The following MASP1 variants were observed in gnomAD, a reference collection of about 807,000 sequenced individuals.
MASP1 encodes the protein MBL associated serine protease 1.
MASP1 carries 59 observed loss-of-function variants against 77.1 expected under a neutral mutation model. That is an observed-to-expected ratio of 0.77 (90% CI 0.62 to 0.95). The LOEUF (loss-of-function observed/expected upper bound fraction) is 0.95. Among genes scored for constraint, MASP1 ranks in the 40% least tolerant of loss-of-function variants. The pLI is 0.00. For missense variants in MASP1, 885 were observed against 912.9 expected, an observed-to-expected ratio of 0.97 and a Z score of 0.39; for synonymous variants, 362 against 354.5, an observed-to-expected ratio of 1.02 and a Z score of -0.24.
rs147980192 is a variant in MASP1, at chr3:187,226,521, C to T, written c.1442-1G>A. On this transcript the variant is annotated splice_acceptor_variant, in intron 11 of 15. Coordinates refer to the MASP1 transcript ENST00000337774. LOFTEE classifies it high-confidence loss of function. ...GCGGCGGTCACGATCCAGCTGGAGC[C>T]TGGGGAACAGAACACACGTCTCATC... 49 of 1,602,886 alleles carry T rather than the reference C, an allele frequency of 3.1e-5. No homozygotes were observed. Among genetic ancestry groups the T allele is most frequent in the Non-Finnish European group, 4.1e-5 (48 of 1,173,580 alleles).
intron 10 of MASP1, among the ~76,000 whole-genome samples, chr3:187,241,166 T>C (rs1276838188): frequency 6.6e-6 from 1 of 152,098 alleles, no homozygotes; most frequent in African/African-American, 2.4e-5. Flanking sequence ...GAGGACAGGG[T>C]GCCCACTTTT....
intron 10 of MASP1, among the ~76,000 whole-genome samples, chr3:187,239,671 A>T (rs1713468936): frequency 6.6e-6 from 1 of 152,156 alleles, no homozygotes; most frequent in South Asian, 2.1e-4. Context: ...CTCTTCTCTG[A>T]GGCTTCACTG....
At chr3:187,229,708 C>T (rs2108506567), downstream of MASP1, 2 of 1,606,582 alleles carry the variant, frequency 1.2e-6, no homozygotes, top group Non-Finnish European at 1.7e-6. Flanking sequence ...TGGTCAGTCT[C>T]CAAGGAGGGG....
At chr3:187,288,844 G>C (rs9853095) in intron 1 of MASP1, among the ~76,000 whole-genome samples, 1,960 of 152,310 alleles carry the variant, frequency 0.013, 24 homozygotes, top group African/African-American at 0.036. Flanking sequence ...ATGTGTGGTA[G>C]GCAACTGGTC....
intron 10 of MASP1, 81 bp from the exon 11 acceptor site, chr3:187,236,648 T>A (rs1713217580): frequency 1.2e-6 from 2 of 1,611,174 alleles, no homozygotes; most frequent in Admixed American, 3.3e-5. Context: ...AAAGATAAAT[T>A]CACATTTCAC....
intron 10 of MASP1, among the ~76,000 whole-genome samples, chr3:187,239,339 C>G (rs141817542): frequency 6.6e-6 from 1 of 151,972 alleles, no homozygotes; most frequent in Non-Finnish European, 1.5e-5. Context: ...GCAACAAGAG[C>G]GAAACTCTGT....
At chr3:187,222,827 C>T (rs1292189136) in intron 14 of MASP1, among the ~76,000 whole-genome samples, 3 of 152,140 alleles carry the variant, frequency 2.0e-5, no homozygotes, top group Non-Finnish European at 2.9e-5. Context: ...GCTGGATTGT[C>T]ACCATGGGGG....
At chr3:187,283,204 C>T (rs1717577912) in intron 2 of MASP1, among the ~76,000 whole-genome samples, 2 of 152,186 alleles carry the variant, frequency 1.3e-5, no homozygotes, top group Admixed American at 1.3e-4. Flanking sequence ...AACCATCAAC[C>T]AATTTCCAAA....
chr3:187,256,014 A>G (rs569871867), intron 5 of MASP1, among the ~76,000 whole-genome samples: 6 of 152,204 alleles, frequency 3.9e-5, no homozygotes, highest in East Asian at 3.9e-4. Context: ...TACTTTCCAC[A>G]TATCTCGAAA....
Position 187,282,787 on chromosome 3 carries a change from G to T in MASP1, c.237+3038C>A, listed in dbSNP as rs115396269. ...GAAGGCTAATGCTGACATTAGGGTG[G>T]CCTTCTGGAAGAGAGTCAGCTGTGC... On this transcript the variant is annotated intron_variant, in intron 2 of 10. Transcript: ENST00000296280. 7.0e-4 allele frequency among the ~76,000 whole-genome samples: 106 copies of T among 152,324 alleles called. 1 individual carries two copies. The highest frequency in any genetic ancestry group is 2.3e-3 in the African/African-American group (95 of 41,586).
chr3:187,246,270 G>T, intron 8 of MASP1: 1 of 482,916 alleles, frequency 2.1e-6, no homozygotes, highest in Non-Finnish European at 2.7e-6. Context: ...CTGCATCAAA[G>T]CTATTACAAT....
intron 13 of MASP1, chr3:187,225,223 C>G (rs907410284): frequency 2.2e-6 from 3 of 1,340,130 alleles, no homozygotes; most frequent in African/African-American, 1.4e-5. Context: ...CAAGCAGACA[C>G]TGTCAGCTGA....
At chr3:187,277,152 C>T (rs772761783) in intron 2 of MASP1, among the ~76,000 whole-genome samples, 1 of 152,154 alleles carries the variant, frequency 6.6e-6, no homozygotes, top group Non-Finnish European at 1.5e-5. Context: ...GAAACTGAGG[C>T]CTTGAATGAA....
At chr3:187,288,602 G>A (rs983568628) in intron 1 of MASP1, among the ~76,000 whole-genome samples, 1 of 152,230 alleles carries the variant, frequency 6.6e-6, no homozygotes, top group Non-Finnish European at 1.5e-5. Context: ...CCAAACATTA[G>A]TTATAATTAT....
At chr3:187,261,004 A>C (rs990659683) in intron 3 of MASP1, 132 bp from the exon 4 acceptor site, 27 of 1,064,540 alleles carry the variant, frequency 2.5e-5, no homozygotes, top group Middle Eastern at 2.1e-4. Flanking sequence ...TAATCCTCTC[A>C]TACAGCCCAG....
intron 4 of MASP1, among the ~76,000 whole-genome samples, chr3:187,258,742 T>C (rs1392881025): frequency 6.6e-6 from 1 of 152,262 alleles, no homozygotes; most frequent in East Asian, 1.9e-4. Flanking sequence ...GGTGGCCATC[T>C]GTTCAAACTG....
intron 7 of MASP1, 90 bp downstream of exon 7, chr3:187,251,544 A>G: frequency 9.9e-7 from 1 of 1,008,700 alleles, no homozygotes; most frequent in Non-Finnish European, 1.6e-6. Context: ...AACTATGACA[A>G]GTTCTGGCAG....
At chr3:187,250,449 C>T (rs1714478558) in intron 7 of MASP1, 120 bp from the exon 8 acceptor site, 6 of 798,846 alleles carry the variant, frequency 7.5e-6, no homozygotes, top group Non-Finnish European at 1.4e-5. Flanking sequence ...AGATTTTCCA[C>T]CCATGGGCTT....
chr3:187,263,432 G>C (rs1715769766), intron 2 of MASP1, among the ~76,000 whole-genome samples: 1 of 152,190 alleles, frequency 6.6e-6, no homozygotes, highest in Non-Finnish European at 1.5e-5. Context: ...GAAAGTACAA[G>C]CCCCATTCTG....
Sources: gnomAD v4.1 joint callset for allele counts (sites outside exome capture counted in the v4.1 genomes callset) on GRCh38, gnomAD v4.1.1 for gene constraint, MANE v1.5 for transcripts, NCBI Gene and HGNC (gene_info 2026-07-23, HGNC 2026-07-21) for gene names.